Variants in TIMMDC1 observed in about 807,000 individuals in gnomAD.
TIMMDC1 encodes translocase of inner mitochondrial membrane domain containing 1, also known as complex I assembly factor TIMMDC1, mitochondrial.
TIMMDC1 carries 25 observed loss-of-function variants against 32.6 expected under a neutral mutation model. That is an observed-to-expected ratio of 0.77 (90% CI 0.56 to 1.07). The LOEUF (loss-of-function observed/expected upper bound fraction) is 1.07. TIMMDC1 is among the 50% of genes least tolerant of loss of function. The probability of loss-of-function intolerance (pLI) is 0.00; values close to 1 mark genes in which losing one functional copy is unlikely to be tolerated. For synonymous variants in TIMMDC1, 130 were observed against 127.6 expected (o/e 1.02, Z -0.13); for missense variants, 329 against 349.2 (o/e 0.94, Z 0.46).
At chr3:119,511,511 C>A (rs1307552201) in intron 4 of TIMMDC1, among the ~76,000 whole-genome samples, 1 of 151,174 alleles carries the variant, frequency 6.6e-6, no homozygotes, top group Non-Finnish European at 1.5e-5. Flanking sequence ...AAAATTTGTG[C>A]GTAAGTAAAT....
intron 6 of TIMMDC1, among the ~76,000 whole-genome samples, chr3:119,517,929 C>T (rs946454692): frequency 5.9e-5 from 9 of 151,796 alleles, no homozygotes; most frequent in Non-Finnish European, 1.3e-4. Flanking sequence ...TGATTGTGCT[C>T]CAGCCTGGGC....
chr3:119,498,854 C>CG lies in TIMMDC1; in HGVS notation c.123dup (p.Leu42AlafsTer25). Reference sequence around the variant, plus strand: ...GGAAGTCCTTGAGGAGCGTCAGAAGCGGCTTCCCTACGTCCCAGAGCCCTA... The same window carrying CG: ...GGAAGTCCTTGAGGAGCGTCAGAAGCGGGCTTCCCTACGTCCCAGAGCCCTA... On this transcript the variant is annotated frameshift_variant, in exon 1 of 7. Coordinates refer to ENST00000494664, the MANE Select transcript of TIMMDC1 (RefSeq NM_016589.4). LOFTEE classifies it high-confidence loss of function. The CG allele has an allele frequency of 6.2e-7, 1 of 1,614,132 alleles. No homozygotes were observed. Among genetic ancestry groups the CG allele is most frequent in the Non-Finnish European group, 8.5e-7 (1 of 1,180,030 alleles).
intron 2 of TIMMDC1, 150 bp downstream of exon 2, chr3:119,501,010 C>T: frequency 1.4e-6 from 1 of 734,964 alleles, no homozygotes; most frequent in Non-Finnish European, 2.1e-6. Flanking sequence ...AGTGGAAGTA[C>T]TAATGTTAAA....
chr3:119,502,435 G>T (rs1471556907), intron 2 of TIMMDC1, among the ~76,000 whole-genome samples: 1 of 149,274 alleles, frequency 6.7e-6, no homozygotes, highest in Non-Finnish European at 1.5e-5. Flanking sequence ...TTGCCATGTT[G>T]CCCAGGCTGG....
At chr3:119,512,920 T>C (rs1560048226) in intron 4 of TIMMDC1, among the ~76,000 whole-genome samples, 1 of 152,138 alleles carries the variant, frequency 6.6e-6, no homozygotes, top group Non-Finnish European at 1.5e-5. Flanking sequence ...TTTGTATCTT[T>C]AGTAGAGGCA....
At chr3:119,502,872 T>G (rs573340974) in intron 2 of TIMMDC1, among the ~76,000 whole-genome samples, 5 of 152,194 alleles carry the variant, frequency 3.3e-5, no homozygotes, top group South Asian at 4.1e-4. Flanking sequence ...TTTTAGCATT[T>G]AATGATGATT....
At chr3:119,502,809 A>G (rs76896763) in intron 2 of TIMMDC1, among the ~76,000 whole-genome samples, 1 of 151,930 alleles carries the variant, frequency 6.6e-6, no homozygotes, top group Admixed American at 6.6e-5. Context: ...GATCCTCCCT[A>G]GTTGCCTCCC....
chr3:119,519,647 C>T (rs932057763), intron 6 of TIMMDC1, among the ~76,000 whole-genome samples: 1 of 151,902 alleles, frequency 6.6e-6, no homozygotes, highest in Non-Finnish European at 1.5e-5. Flanking sequence ...GAGAGATAAA[C>T]CCTAATGTAA....
chr3:119,504,079 A>G, intron 4 of TIMMDC1, 58 bp downstream of exon 4: 1 of 1,323,228 alleles, frequency 7.6e-7, no homozygotes. Context: ...GAAAATGTGT[A>G]AGGACTTATA....
chr3:119,513,859 C>T, intron 5 of TIMMDC1, 140 bp downstream of exon 5: 1 of 554,886 alleles, frequency 1.8e-6, no homozygotes, highest in Non-Finnish European at 3.2e-6. Context: ...TTGGCAGTAG[C>T]TTTGACTGTC....
In TIMMDC1 at chr3:119,503,556, C is replaced by G; in HGVS notation, c.385C>G (p.Arg129Gly). 1 of 1,611,840 alleles carries G rather than the reference C, an allele frequency of 6.2e-7. No homozygotes were observed. Among genetic ancestry groups the G allele is most frequent in the Non-Finnish European group, 8.5e-7 (1 of 1,179,314 alleles). ...GCAATCTGCACATCGTGCTGCCACA[C>G]GAGGCTTCATTCGTTATGGCTGGCG... Reference protein sequence around the residue: ...AVQSAHRAATRGFIRYGWRWG... With the variant: ...AVQSAHRAATGGFIRYGWRWG... Residue 129 changes from arginine to glycine, a missense_variant, in exon 3 of 7, where the codon CGA becomes GGA. By Grantham distance (125) the Arg-to-Gly change is moderately radical (BLOSUM62 -2). Transcript: ENST00000494664.
chr3:119,517,659 C>G (rs750816912), intron 6 of TIMMDC1, among the ~76,000 whole-genome samples: 1 of 152,162 alleles, frequency 6.6e-6, no homozygotes, highest in Non-Finnish European at 1.5e-5. Context: ...TGAGCTTTAC[C>G]TGGCTTACTT....
intron 6 of TIMMDC1, among the ~76,000 whole-genome samples, chr3:119,522,686 CAATT>C (rs1257406728): frequency 1.3e-5 from 2 of 151,882 alleles, no homozygotes; most frequent in African/African-American, 4.8e-5. Flanking sequence ...TAAATATGTA[CAATT>C]ATTAGTATCA....
At chr3:119,515,407 T>G (rs887599992) in intron 5 of TIMMDC1, among the ~76,000 whole-genome samples, 3 of 152,160 alleles carry the variant, frequency 2.0e-5, no homozygotes, top group South Asian at 4.1e-4. Context: ...TTCAAATCTT[T>G]AACTTCTACT....
At chr3:119,519,837 C>T (rs758498703) in intron 6 of TIMMDC1, among the ~76,000 whole-genome samples, 1 of 152,076 alleles carries the variant, frequency 6.6e-6, no homozygotes, top group African/African-American at 2.4e-5. Flanking sequence ...AAGTGTTCTT[C>T]AGGATAAACC....
chr3:119,516,728 A>G (rs1202466335), intron 5 of TIMMDC1, among the ~76,000 whole-genome samples: 1 of 152,132 alleles, frequency 6.6e-6, no homozygotes, highest in Non-Finnish European at 1.5e-5. Context: ...ACTTCAGGAT[A>G]TTTTGGTGGT....
chr3:119,517,352 C>A, intron 6 of TIMMDC1, 37 bp downstream of exon 6: 2 of 1,382,412 alleles, frequency 1.4e-6, no homozygotes, highest in South Asian at 1.2e-5. Context: ...TCTTGGCTCT[C>A]TTGCCCCAGG....
At position 119,498,639 on chromosome 3, in the gene TIMMDC1, G is replaced by T. The variant is rs2081841968; in HGVS notation, c.-95G>T. Reference sequence around the variant, plus strand: ...AGGGTTAACCTGGGTCAAATGCACGGATTCTCACCTCGTACAGTTACGCTC... The same window carrying T: ...AGGGTTAACCTGGGTCAAATGCACGTATTCTCACCTCGTACAGTTACGCTC... On this transcript the variant is annotated 5_prime_UTR_variant, in exon 1 of 7. Coordinates refer to ENST00000494664, the MANE Select transcript of TIMMDC1 (RefSeq NM_016589.4). 4.7e-6 allele frequency: 6 copies of T among 1,266,298 alleles called. No individual in the cohort carries two copies. The highest frequency in any genetic ancestry group is 3.7e-5 in the Admixed American group (2 of 53,662). 78.4% of individuals were successfully genotyped at this position (1,266,298 alleles called of 1,614,324 possible).
At chr3:119,511,627 C>G (rs961905364) in intron 4 of TIMMDC1, among the ~76,000 whole-genome samples, 2 of 152,116 alleles carry the variant, frequency 1.3e-5, no homozygotes, top group Non-Finnish European at 2.9e-5. Context: ...AATTTTTAAA[C>G]CTATCTATGT....
Sources: gnomAD v4.1 joint callset for allele counts (sites outside exome capture counted in the v4.1 genomes callset) on GRCh38, gnomAD v4.1.1 for gene constraint, MANE v1.5 for transcripts, NCBI Gene and HGNC (gene_info 2026-07-23, HGNC 2026-07-21) for gene names.